Variants in HECW1 observed in about 807,000 individuals in gnomAD.
HECW1 encodes HECT, C2 and WW domain containing E3 ubiquitin protein ligase 1.
HECW1 carries 61 observed loss-of-function variants against 182.3 expected under a neutral mutation model. The ratio of observed to expected loss-of-function variants is 0.33; its 90% CI spans 0.27 to 0.41. The LOEUF (loss-of-function observed/expected upper bound fraction) is 0.41. Among genes scored for constraint, HECW1 ranks in the 10% least tolerant of loss-of-function variants. The pLI is 1.00. For synonymous variants in HECW1, 859 were observed against 832.6 expected (o/e 1.03, Z -0.55); for missense variants, 1,739 against 2,108.9 (o/e 0.82, Z 3.44).
intron 5 of HECW1, among the ~76,000 whole-genome samples, chr7:43,355,961 C>T (rs566613276): frequency 1.7e-4 from 26 of 152,048 alleles, no homozygotes; most frequent in Admixed American, 1.3e-4. Context: ...TGCATTCTAG[C>T]CTGGCAACAG....
chr7:43,201,737 C>T (rs771663476), intron 2 of HECW1, among the ~76,000 whole-genome samples: 9 of 152,264 alleles, frequency 5.9e-5, no homozygotes, highest in Non-Finnish European at 1.2e-4. Flanking sequence ...CAATGACTTA[C>T]GTCCAGAGAA....
intron 3 of HECW1, among the ~76,000 whole-genome samples, chr7:43,288,467 T>C (rs1172066890): frequency 1.3e-5 from 2 of 152,220 alleles, no homozygotes; most frequent in East Asian, 1.9e-4. Context: ...AAATGTGCAC[T>C]GTGTTTGGTA....
intron 14 of HECW1, among the ~76,000 whole-genome samples, chr7:43,465,106 A>G (rs964915089): frequency 7.9e-5 from 12 of 152,274 alleles, no homozygotes; most frequent in Admixed American, 7.2e-4. Context: ...CTGGCCTGTT[A>G]TTAATTTCTT....
At chr7:43,405,277 C>G (rs1190284662) in intron 7 of HECW1, among the ~76,000 whole-genome samples, 1 of 152,162 alleles carries the variant, frequency 6.6e-6, no homozygotes, top group Non-Finnish European at 1.5e-5. Flanking sequence ...CTTTCACACT[C>G]TAATAAGTCA....
intron 2 of HECW1, among the ~76,000 whole-genome samples, chr7:43,173,453 G>A (rs1257338525): frequency 1.3e-5 from 2 of 152,150 alleles, no homozygotes; most frequent in African/African-American, 4.8e-5. Flanking sequence ...TAGGGCAGCA[G>A]TCCCCAATAT....
In HECW1 at chr7:43,279,501, C is replaced by T. The variant is rs112943825; in HGVS notation, c.28-32262C>T. On this transcript the variant is annotated intron_variant, in intron 3 of 29. Transcript: ENST00000395891. ...ATCTAGAGCCTAACCCGACCATCCA[C>T]GCTCTTCTTTTTTACTATGCTGGGG... 3.2e-3 allele frequency among the ~76,000 whole-genome samples: 487 copies of T among 152,218 alleles called. 2 individuals are homozygous for T. Among genetic ancestry groups the T allele is most frequent in the African/African-American group, 0.011 (455 of 41,536 alleles).
intron 2 of HECW1, among the ~76,000 whole-genome samples, chr7:43,120,391 A>G (rs1161660182): frequency 6.6e-6 from 1 of 152,012 alleles, no homozygotes; most frequent in Non-Finnish European, 1.5e-5. Flanking sequence ...ACCACTTAGC[A>G]CCACGCAATT....
At position 43,444,900 on chromosome 7, in the gene HECW1, C is replaced by T. The variant is rs1214935017; in HGVS notation, c.1728C>T (p.Gly576=). 6.2e-7 allele frequency: 1 copy of T among 1,602,634 alleles called. No individual in the cohort carries two copies. Among genetic ancestry groups the T allele is most frequent in the Non-Finnish European group, 8.5e-7 (1 of 1,173,324 alleles). ...LLHSMPSAQG[G]SAAEEEDGAE... ...ACAGCATGCCCTCCGCCCAGGGCGG[C>T]AGCGCGGCAGAGGAGGAGGACGGCG... Residue 576 remains glycine, a synonymous_variant, in exon 11 of 30, where the codon GGC becomes GGT. Transcript: ENST00000395891. The surrounding 1 kb of genome is among the most constrained non-coding windows in gnomAD (Gnocchi z 4.3).
intron 8 of HECW1, among the ~76,000 whole-genome samples, chr7:43,434,590 G>A (rs1372647605): frequency 1.3e-5 from 2 of 152,206 alleles, no homozygotes; most frequent in African/African-American, 4.8e-5. Flanking sequence ...TCCACAAACA[G>A]ACAGACTTTT....
chr7:43,415,075 T>C (rs2075943984), intron 8 of HECW1, among the ~76,000 whole-genome samples: 1 of 151,920 alleles, frequency 6.6e-6, no homozygotes, highest in Admixed American at 6.6e-5. Context: ...GTCATTATGA[T>C]GTTAGCTGGT....
intron 6 of HECW1, among the ~76,000 whole-genome samples, chr7:43,372,311 CCTTTT>C (rs1208489916): frequency 6.6e-6 from 1 of 151,972 alleles, no homozygotes; most frequent in Non-Finnish European, 1.5e-5. Context: ...TCATTCTGTG[CCTTTT>C]CTTTTTTACC....
At chr7:43,503,091 TTTC>T (rs886206117) in intron 21 of HECW1, among the ~76,000 whole-genome samples, 1 of 152,186 alleles carries the variant, frequency 6.6e-6, no homozygotes, top group African/African-American at 2.4e-5. Flanking sequence ...TAAAATATGT[TTTC>T]AAGATAGTAT....
intron 5 of HECW1, among the ~76,000 whole-genome samples, chr7:43,347,700 C>G (rs1813861511): frequency 6.6e-6 from 1 of 151,976 alleles, no homozygotes; most frequent in South Asian, 2.1e-4. Flanking sequence ...TATGTTCCTT[C>G]TGTGACGATT....
intron 2 of HECW1, among the ~76,000 whole-genome samples, chr7:43,210,643 C>T (rs1795928740): frequency 6.6e-6 from 1 of 152,122 alleles, no homozygotes; most frequent in African/African-American, 2.4e-5. Flanking sequence ...TATTAGAAGC[C>T]TTGGGTCACG....
chr7:43,211,877 CATGTTTGTG>C (rs1450030425), intron 2 of HECW1, among the ~76,000 whole-genome samples: 2 of 152,176 alleles, frequency 1.3e-5, no homozygotes, highest in Non-Finnish European at 2.9e-5. Context: ...CTTTGTCCTG[CATGTTTGTG>C]ATGTTTGGAA....
chr7:43,202,073 T>C (rs1302857103), intron 2 of HECW1, among the ~76,000 whole-genome samples: 2 of 152,234 alleles, frequency 1.3e-5, no homozygotes, highest in African/African-American at 2.4e-5. Flanking sequence ...CAGATACTTA[T>C]GATGCTCCAC....
intron 8 of HECW1, among the ~76,000 whole-genome samples, chr7:43,417,420 G>T (rs1212258834): frequency 1.3e-5 from 2 of 151,958 alleles, no homozygotes; most frequent in Non-Finnish European, 2.9e-5. Context: ...TCCTTCCCCT[G>T]GCCTTTCTAG....
intron 6 of HECW1, among the ~76,000 whole-genome samples, chr7:43,376,820 C>G (rs1231790840): frequency 6.6e-6 from 1 of 151,880 alleles, no homozygotes; most frequent in South Asian, 2.1e-4. Context: ...GAGCCGAGAT[C>G]GTGCCATTGC....
chr7:43,420,840 C>T (rs1230435571), intron 8 of HECW1, among the ~76,000 whole-genome samples: 4 of 152,124 alleles, frequency 2.6e-5, no homozygotes, highest in Non-Finnish European at 4.4e-5. Flanking sequence ...TTAGAAAAGT[C>T]AATATTCTTT....
Sources: gnomAD v4.1 joint callset for allele counts (sites outside exome capture counted in the v4.1 genomes callset) on GRCh38, gnomAD v4.1.1 for gene constraint, Gnocchi (gnomAD v3.1) non-coding constraint, MANE v1.5 for transcripts, NCBI Gene and HGNC (gene_info 2026-07-23, HGNC 2026-07-21) for gene names.